The following GDAP2 variants were observed in gnomAD, a reference collection of about 807,000 sequenced individuals.
The protein encoded by GDAP2 is ganglioside induced differentiation associated protein 2.
GDAP2 carries 51 observed loss-of-function variants against 67.0 expected under a neutral mutation model. The ratio of observed to expected loss-of-function variants is 0.76; its 90% confidence interval spans 0.61 to 0.96. GDAP2 has a LOEUF of 0.96. Ranked by LOEUF, GDAP2 falls within the 40% of genes least tolerant of loss-of-function variation. GDAP2 has a pLI of 0.00. For missense variants in GDAP2, 547 were observed against 588.3 expected (o/e 0.93, Z 0.73); for synonymous variants, 203 against 207.3 (o/e 0.98, Z 0.18).
rs577436410 is a variant in GDAP2, at chr1:117,918,695, T to C, written c.218A>G (p.Asn73Ser). The change falls in exon 3 of 14, where the codon AAT becomes AGT. Residue 73 changes from asparagine to serine, a missense_variant. Physicochemically the swap from Asn to Ser is conservative, Grantham distance 46. Coordinates refer to ENST00000369443, the MANE Select transcript of GDAP2 (RefSeq NM_017686.4). Reference protein sequence around the residue: ...VALLNCTAIVNTSNESLTDKN... With the variant: ...VALLNCTAIVSTSNESLTDKN... ...ATCTGTGAGACTTTCATTGCTGGTA[T>C]TCACAATGGCTGTACAGTTCAGTAA... is the stretch of plus-strand genomic sequence containing the variant. The C allele has an allele frequency of 5.6e-6, 9 of 1,597,926 alleles. No individual in the cohort carries two copies. The East Asian group carries it at 2.0e-4, about 36-fold the overall frequency.
At chr1:117,877,476 C>T in intron 13 of GDAP2, 1 of 973,216 alleles carries the variant, frequency 1.0e-6, no homozygotes, top group Non-Finnish European at 1.2e-6. Context: ...ACGAGTAGTC[C>T]TGTGACTAGT....
At chr1:117,908,670 A>T (rs989338917) in intron 5 of GDAP2, among the ~76,000 whole-genome samples, 25 of 151,910 alleles carry the variant, frequency 1.6e-4, no homozygotes, top group African/African-American at 4.8e-4. Context: ...AATTTTTTTT[A>T]AAAAATTAGC....
chr1:117,911,515 G>A (rs910435303), intron 5 of GDAP2, among the ~76,000 whole-genome samples: 6 of 152,212 alleles, frequency 3.9e-5, no homozygotes, highest in African/African-American at 1.4e-4. Context: ...GAGGCTAGCT[G>A]CTCTGAATCT....
intron 5 of GDAP2, among the ~76,000 whole-genome samples, chr1:117,909,978 G>A (rs983557794): frequency 2.6e-5 from 4 of 152,188 alleles, no homozygotes; most frequent in African/African-American, 9.7e-5. Context: ...AAGAAGCTAT[G>A]AGATGATATG....
At chr1:117,886,723 C>G in intron 9 of GDAP2, 70 bp from the exon 10 acceptor site, 7 of 822,702 alleles carry the variant, frequency 8.5e-6, no homozygotes, top group Middle Eastern at 2.3e-4. Context: ...TGGGCTCTGA[C>G]TTTATAAAAT....
rs1648202272 is a variant in GDAP2 at position 117,870,088 on chromosome 1, C to G, written c.*481G>C. ...GGACTCAGGTAATTCTCTTTTAACACAGCCAAATTATCTTTATAAAATATA... is the reference window on the plus strand; with the variant it reads ...GGACTCAGGTAATTCTCTTTTAACAGAGCCAAATTATCTTTATAAAATATA... On this transcript the variant is annotated 3_prime_UTR_variant, in exon 14 of 14. Transcript: ENST00000369443. 6.5e-6 allele frequency: 1 copy of G among 152,802 alleles called. No individual in the cohort carries two copies. The highest frequency in any genetic ancestry group is 2.1e-4 in the South Asian group (1 of 4,860). The allele number at this position is 152,802 out of a possible 1,614,324, so 9.5% of individuals were successfully genotyped here.
At chr1:117,914,591 C>T (rs905112074) in intron 3 of GDAP2, among the ~76,000 whole-genome samples, 2 of 151,742 alleles carry the variant, frequency 1.3e-5, no homozygotes, top group Non-Finnish European at 2.9e-5. Context: ...TTCAAAGAGC[C>T]CATAAAACAC....
chr1:117,910,957 G>C (rs1649834150), intron 5 of GDAP2, among the ~76,000 whole-genome samples: 1 of 152,174 alleles, frequency 6.6e-6, no homozygotes, highest in African/African-American at 2.4e-5. Context: ...AGGGTCCATA[G>C]TGTTCTTTCA....
chr1:117,896,587 T>C (rs187263416), intron 8 of GDAP2: 2 of 340,926 alleles, frequency 5.9e-6, no homozygotes, highest in Admixed American at 4.7e-5. Context: ...GTAGACAGGG[T>C]AGGAGCTCTG....
rs757619964 is a variant in GDAP2 at position 117,912,623 on chromosome 1, A to G, written c.377T>C (p.Ile126Thr). The change falls in exon 4 of 14, where the codon ATT (isoleucine) becomes ACT (threonine). Residue 126 changes from isoleucine (I) to threonine (T), a missense_variant. Transcript: ENST00000369443. ...KGFNLAARFI[I>T]HTVGPKYKSR... ...TTTATATTTAGGTCCCACTGTGTGA[A>G]TGATGAACCGGGCAGCTAGATTGAA... is the stretch of plus-strand genomic sequence containing the variant. 6.2e-7 allele frequency: 1 copy of G among 1,613,682 alleles called. No individual in the cohort carries two copies. Among genetic ancestry groups the G allele is most frequent in the South Asian group, 1.1e-5 (1 of 91,074 alleles).
At chr1:117,925,571 A>G (rs1650417516) in intron 1 of GDAP2, among the ~76,000 whole-genome samples, 1 of 152,178 alleles carries the variant, frequency 6.6e-6, no homozygotes, top group Non-Finnish European at 1.5e-5. Context: ...TACTGGTACA[A>G]TTTTGAATCC....
At chr1:117,909,121 C>T (rs1212279938) in intron 5 of GDAP2, among the ~76,000 whole-genome samples, 1 of 152,178 alleles carries the variant, frequency 6.6e-6, no homozygotes, top group African/African-American at 2.4e-5. Flanking sequence ...CTATACTCTG[C>T]AACCAACCAC....
chr1:117,898,800 T>G (rs564250723), intron 7 of GDAP2, among the ~76,000 whole-genome samples: 2 of 152,284 alleles, frequency 1.3e-5, no homozygotes, highest in South Asian at 4.1e-4. Context: ...AACTATAACC[T>G]CCATTAGGGT....
intron 13 of GDAP2, among the ~76,000 whole-genome samples, chr1:117,875,366 T>C (rs986819800): frequency 7.2e-5 from 11 of 152,206 alleles, no homozygotes; most frequent in Admixed American, 2.0e-4. Flanking sequence ...TTTGGTGGCT[T>C]CCATGTGGTG....
chr1:117,899,649 T>C (rs1007095258), intron 6 of GDAP2, among the ~76,000 whole-genome samples: 2 of 152,156 alleles, frequency 1.3e-5, no homozygotes, highest in Non-Finnish European at 2.9e-5. Flanking sequence ...TTATTCTTTC[T>C]TAAAAGTTTT....
intron 13 of GDAP2, among the ~76,000 whole-genome samples, chr1:117,874,704 A>C (rs890288495): frequency 1.3e-5 from 2 of 152,222 alleles, no homozygotes; most frequent in African/African-American, 2.4e-5. Flanking sequence ...AGACTTAGGG[A>C]AAGTTTGAAA....
intron 6 of GDAP2, among the ~76,000 whole-genome samples, chr1:117,899,676 T>C (rs1022540290): frequency 6.6e-6 from 1 of 152,194 alleles, no homozygotes; most frequent in African/African-American, 2.4e-5. Context: ...AGAAAAAAGA[T>C]GAATTTTACT....
intron 6 of GDAP2, among the ~76,000 whole-genome samples, chr1:117,905,224 G>A (rs1649616098): frequency 6.6e-6 from 1 of 152,132 alleles, no homozygotes; most frequent in South Asian, 2.1e-4. Context: ...GACATCATTT[G>A]TTTGTGTAAA....
chr1:117,918,184 C>T (rs910278689), intron 3 of GDAP2, among the ~76,000 whole-genome samples: 5 of 152,142 alleles, frequency 3.3e-5, no homozygotes, highest in Non-Finnish European at 5.9e-5. Context: ...GATTGAATTT[C>T]ACAGTATTTC....
Sources: gnomAD v4.1 joint callset for allele counts (sites outside exome capture counted in the v4.1 genomes callset) on GRCh38, gnomAD v4.1.1 for gene constraint, MANE v1.5 for transcripts, NCBI Gene and HGNC (gene_info 2026-07-23, HGNC 2026-07-21) for gene names.